Variants in SLC25A22 observed in about 807,000 individuals in gnomAD.
The protein encoded by SLC25A22 is solute carrier family 25 member 22.
Under a neutral mutation model 33.7 loss-of-function variants are expected in SLC25A22, and 23 were observed. That is an observed-to-expected ratio of 0.68 (90% confidence interval 0.49 to 0.97). SLC25A22 has a LOEUF of 0.97. SLC25A22 is among the 50% of genes least tolerant of loss of function. The pLI, the probability that SLC25A22 is intolerant of heterozygous loss-of-function variation, is 0.00. For synonymous variants in SLC25A22, 245 were observed against 203.8 expected (o/e 1.20, Z -1.72); for missense variants, 390 against 451.1 (o/e 0.86, Z 1.23).
In SLC25A22 at chr11:791,332, C is replaced by T. The variant is rs1864507942; in HGVS notation, c.*583G>A. The T allele has an allele frequency of 5.9e-6, 1 of 169,150 alleles. No individual in the cohort carries two copies. Among genetic ancestry groups the T allele is most frequent in the Non-Finnish European group, 1.3e-5 (1 of 78,670 alleles). The allele number at this position is 169,150 out of a possible 1,614,324, so 10.5% of individuals were successfully genotyped here. On this transcript the variant is annotated 3_prime_UTR_variant, in exon 10 of 10. Coordinates refer to ENST00000628067, the MANE Select transcript of SLC25A22 (RefSeq NM_001191061.2). The stretch of plus-strand genomic sequence containing the variant: ...TGGCGGGCTTGCCCCAAGAGTCAGA[C>T]CTCAGGGCAACCCCTCACTTGGGAT...
In SLC25A22 at chr11:791,672, C is replaced by T. The variant is rs954716877; in HGVS notation, c.*243G>A. 3.1e-5 allele frequency: 18 copies of T among 585,398 alleles called. No homozygotes were observed. Among genetic ancestry groups the T allele is most frequent in the Admixed American group, 2.8e-4 (9 of 32,524 alleles). 36.3% of individuals were successfully genotyped at this position (585,398 alleles called of 1,614,324 possible). On this transcript the variant is annotated 3_prime_UTR_variant, in exon 10 of 10. Transcript: ENST00000628067. Reference sequence around the variant, plus strand: ...AGGGCAGGATTGGGGCAGGGGCTAGCTTGAGGAATGTAAAGATTTCTGCAT... The same window carrying T: ...AGGGCAGGATTGGGGCAGGGGCTAGTTTGAGGAATGTAAAGATTTCTGCAT...
rs758107712 is a variant in SLC25A22 at position 792,876 on chromosome 11, G to A, written c.406C>T (p.Arg136Cys). Residue 136 changes from arginine to cysteine, a missense_variant, in exon 6 of 10, where the codon CGC becomes TGC. By Grantham distance (180) the Arg-to-Cys change is radical. Coordinates refer to ENST00000628067, the MANE Select transcript of SLC25A22 (RefSeq NM_001191061.2). ...CCCCTCCCCCCGCCCTCACCAATGC[G>A]CCCTGCATCCTGCAGCTGGATCTTC... ...MLKIQLQDAGRIAAQRKILAA... is the reference protein window; with the variant it reads ...MLKIQLQDAGCIAAQRKILAA... 6 of 1,572,970 alleles carry A rather than the reference G, an allele frequency of 3.8e-6. No individual in the cohort carries two copies. Among genetic ancestry groups the A allele is most frequent in the Middle Eastern group, 1.7e-4 (1 of 5,916 alleles).
chr11:795,496 G>A (rs909063184), intron 1 of SLC25A22: 11 of 333,016 alleles, frequency 3.3e-5, no homozygotes, highest in South Asian at 7.4e-5. Flanking sequence ...GCCAGGGGCC[G>A]GGGCCAGGGT....
intron 4 of SLC25A22, chr11:793,888 G>A: frequency 5.5e-6 from 3 of 550,106 alleles, no homozygotes; most frequent in Non-Finnish European, 9.8e-6. Flanking sequence ...AGGGCATGAG[G>A]ACTGCCCCGG....
chr11:793,365 C>T, intron 5 of SLC25A22, 164 bp downstream of exon 5: 2 of 700,984 alleles, frequency 2.9e-6, no homozygotes, highest in South Asian at 3.1e-5. Context: ...GCTTTGCTCC[C>T]CTGGTCAGGG....
In SLC25A22 at chr11:792,907, C is replaced by T. The variant is rs1864614425; in HGVS notation, c.375G>A (p.Glu125=). The T allele has an allele frequency of 1.2e-6, 2 of 1,611,808 alleles. No individual in the cohort carries two copies. Among genetic ancestry groups the T allele is most frequent in the Admixed American group, 1.7e-5 (1 of 59,942 alleles). The change falls in exon 6 of 10, where the codon GAG becomes GAA. Residue 125 remains glutamate (E), a synonymous_variant. Transcript: ENST00000628067. ...TCQVIVTTPM[E]MLKIQLQDAG... is the part of the protein sequence containing the mutation. Reference sequence around the variant, plus strand: ...CATCCTGCAGCTGGATCTTCAGCATCTCCATGGGCGTGGTCACGATCACCT... The same window carrying T: ...CATCCTGCAGCTGGATCTTCAGCATTTCCATGGGCGTGGTCACGATCACCT...
chr11:796,942 C>T (rs1340641308), intron 1 of SLC25A22, among the ~76,000 whole-genome samples: 1 of 152,192 alleles, frequency 6.6e-6, no homozygotes, highest in Admixed American at 6.5e-5. Context: ...TCCTAGCCCC[C>T]CCCACCCCTG....
chr11:792,531 C>T lies in SLC25A22; in HGVS notation c.587+22G>A, dbSNP rs370777719. ...AGGCCGGCCTCCCCCTTCCCTCCCCCCACCTGCCCTGTGCCTCCTACCTGA... is the reference window on the plus strand; with the variant it reads ...AGGCCGGCCTCCCCCTTCCCTCCCCTCACCTGCCCTGTGCCTCCTACCTGA... On this transcript the variant is annotated intron_variant, in intron 7 of 9. Coordinates refer to ENST00000628067, the MANE Select transcript of SLC25A22 (RefSeq NM_001191061.2). 5.6e-6 allele frequency: 9 copies of T among 1,612,504 alleles called. No individual in the cohort carries two copies. In the East Asian group the frequency reaches 1.6e-4, roughly 28 times the overall value.
rs1283597351 is a variant in SLC25A22, at chr11:794,805, C to T, written c.117G>A (p.Gln39=). Residue 39 remains glutamine (Q), a synonymous_variant, in exon 3 of 10, where the codon CAG becomes CAA. Coordinates refer to ENST00000628067, the MANE Select transcript of SLC25A22 (RefSeq NM_001191061.2). ...TCGTGTACACGCGCTGGCCGTTCTGCTGGTTCTGCAGCCTGGTCTTGGCCA... is the reference window on the plus strand; with the variant it reads ...TCGTGTACACGCGCTGGCCGTTCTGTTGGTTCTGCAGCCTGGTCTTGGCCA... ...IDLAKTRLQN[Q]QNGQRVYTSM... The T allele has an allele frequency of 6.3e-7, 1 of 1,597,928 alleles. No homozygotes were observed. The highest frequency in any genetic ancestry group is 8.5e-7 in the Non-Finnish European group (1 of 1,173,530).
intron 3 of SLC25A22, 64 bp downstream of exon 3, chr11:794,712 G>T: frequency 6.4e-7 from 1 of 1,567,468 alleles, no homozygotes. Flanking sequence ...CACAGGAGCA[G>T]AGCCCCCACC....
intron 4 of SLC25A22, 141 bp downstream of exon 4, chr11:794,317 C>T: frequency 1.0e-6 from 1 of 989,920 alleles, no homozygotes; most frequent in Non-Finnish European, 1.6e-6. Flanking sequence ...CCTGCACAGG[C>T]ACAGCCCCCA....
rs546478081 is a variant in SLC25A22 at position 792,083 on chromosome 11, C to T, written c.819-15G>A. 4.8e-5 allele frequency: 76 copies of T among 1,598,532 alleles called. No homozygotes were observed. The East Asian group carries it at 9.8e-4, about 21-fold the overall frequency. ...GCAGGATCTTCCTGTGGAGGAAGGA[C>T]GAAAGGGTCAGCCCGGTACGCAGGC... On this transcript the variant is annotated splice_polypyrimidine_tract_variant and intron_variant, in intron 9 of 9. Coordinates refer to ENST00000628067, the MANE Select transcript of SLC25A22 (RefSeq NM_001191061.2).
chr11:792,982 C>A lies in SLC25A22; in HGVS notation c.300G>T (p.Lys100Asn). Residue 100 changes from lysine to asparagine, a missense_variant, in exon 6 of 10, where the codon AAG becomes AAT. Lys to Asn is a moderately conservative substitution (Grantham distance 94). Coordinates refer to ENST00000628067, the MANE Select transcript of SLC25A22 (RefSeq NM_001191061.2). ...CCAGCATCTCTTTAAGCAGGGTCAG[C>A]TTCTGCCTGTGGTAGGGGCGGGGCC... is the stretch of plus-strand genomic sequence containing the variant. ...FRHQLSKDGQKLTLLKEMLAG... is the reference protein window; with the variant it reads ...FRHQLSKDGQNLTLLKEMLAG... 1 of 1,613,412 alleles carries A rather than the reference C, an allele frequency of 6.2e-7. No individual in the cohort carries two copies. Among genetic ancestry groups the A allele is most frequent in the Non-Finnish European group, 8.5e-7 (1 of 1,179,962 alleles).
At chr11:794,954 G>C in intron 2 of SLC25A22, 33 bp downstream of exon 2, 2 of 1,562,734 alleles carry the variant, frequency 1.3e-6, no homozygotes, top group African/African-American at 1.4e-5. Context: ...GTCAGGGTGG[G>C]GGTGAGGCAC....
intron 5 of SLC25A22, 162 bp downstream of exon 5, chr11:793,367 T>C (rs547504307): frequency 7.1e-6 from 5 of 703,076 alleles, no homozygotes; most frequent in Non-Finnish European, 1.0e-5. Context: ...TTTGCTCCCC[T>C]GGTCAGGGGA....
chr11:794,138 C>T, intron 4 of SLC25A22: 1 of 645,782 alleles, frequency 1.5e-6, no homozygotes, highest in East Asian at 2.9e-5. Context: ...TACTCCCTCC[C>T]ATCCCCAGCC....
chr11:793,010 AG>A, intron 5 of SLC25A22, 22 bp from the exon 6 acceptor site: 1 of 1,609,032 alleles, frequency 6.2e-7, no homozygotes, highest in Non-Finnish European at 8.5e-7. Flanking sequence ...GCGGGGCCGC[AG>A]TAAGTGGGAA....
intron 1 of SLC25A22, chr11:795,451 C>T (rs990206334): frequency 7.5e-5 from 27 of 357,618 alleles, no homozygotes; most frequent in South Asian, 2.2e-4. Context: ...CAGCCAGCTC[C>T]GGCTTTTAAA....
intron 5 of SLC25A22, among the ~76,000 whole-genome samples, 176 bp from the exon 6 acceptor site, chr11:793,164 T>C (rs932802547): frequency 6.6e-6 from 1 of 152,044 alleles, no homozygotes. Flanking sequence ...AGGAGACCGA[T>C]GGACAGACGG....
Sources: allele counts gnomAD v4.1 joint callset (sites outside exome capture counted in the v4.1 genomes callset), GRCh38; gene constraint gnomAD v4.1.1; transcripts MANE v1.5; gene names NCBI Gene and HGNC (gene_info 2026-07-23, HGNC 2026-07-21).